The following PHEX variants were observed in gnomAD, a reference collection of about 807,000 sequenced individuals.
The protein encoded by PHEX is phosphate regulating endopeptidase X-linked, also known as phosphate-regulating neutral endopeptidase PHEX.
Under a neutral mutation model 68.0 loss-of-function variants are expected in PHEX, and 16 were observed. That is an observed-to-expected ratio of 0.24 (90% CI 0.16 to 0.36). PHEX has a LOEUF of 0.36. PHEX is among the 10% of genes least tolerant of loss of function. PHEX has a pLI of 1.00. For synonymous variants in PHEX, 208 were observed against 205.1 expected (o/e 1.01, Z -0.12); for missense variants, 480 against 575.5 (o/e 0.83, Z 1.70).
chrX:22,120,799 TA>T (rs1931453141), intron 11 of PHEX, among the ~76,000 whole-genome samples: 2 of 110,940 alleles, frequency 1.8e-5, no homozygotes, highest in South Asian at 3.8e-4. Context: ...TATCAAAGTT[TA>T]AAAAAAAATG....
In PHEX at chrX:22,057,303, TTATTTAAA is replaced by T. The variant is rs772386006; in HGVS notation, c.349+10093_349+10100del. On this transcript the variant is annotated intron_variant, in intron 3 of 21. Transcript: ENST00000379374. ...GCTAGAGAAAGCTCAGAGAACACCT[TTATTTAAA>T]ATAGTCCTCTGGCTGGGTGCCGTGG... Among the ~76,000 whole-genome samples the T allele has an allele frequency of 2.7e-5, 3 of 111,934 alleles. No homozygotes were observed. The East Asian group carries it at 8.4e-4, about 31-fold the overall frequency.
At chrX:22,219,306 G>A (rs1447353725) in intron 17 of PHEX, among the ~76,000 whole-genome samples, 1 of 112,443 alleles carries the variant, frequency 8.9e-6, no homozygotes, top group Non-Finnish European at 1.9e-5. Flanking sequence ...ATTGGTGATC[G>A]GGGTAGACTT....
chrX:22,225,469 A>G (rs1361686456), intron 18 of PHEX, among the ~76,000 whole-genome samples: 1 of 111,585 alleles, frequency 9.0e-6, no homozygotes, highest in Non-Finnish European at 1.9e-5. Context: ...CGTGTTATAC[A>G]AGAGTTGAAT....
At chrX:22,110,596 T>C in intron 9 of PHEX, among the ~76,000 whole-genome samples, 1 of 82,433 alleles carries the variant, frequency 1.2e-5, no homozygotes, top group Non-Finnish European at 2.3e-5. Flanking sequence ...CCTAATGCTA[T>C]CCCTCCCCCC....
intron 15 of PHEX, among the ~76,000 whole-genome samples, chrX:22,206,342 G>T (rs1371219921): frequency 8.9e-6 from 1 of 111,806 alleles, no homozygotes; most frequent in African/African-American, 3.3e-5. Flanking sequence ...AGTTTCACAA[G>T]ATACAGAATC....
At chrX:22,065,618 GT>G in intron 3 of PHEX, among the ~76,000 whole-genome samples, 1 of 111,573 alleles carries the variant, frequency 9.0e-6, no homozygotes, top group Non-Finnish European at 1.9e-5. Context: ...TAGAGATGGG[GT>G]TTCACTATGT....
intron 18 of PHEX, 63 bp from the exon 19 acceptor site, chrX:22,226,380 T>A: frequency 1.3e-6 from 1 of 795,905 alleles, no homozygotes; most frequent in Non-Finnish European, 1.9e-6. Flanking sequence ...TGCCTCTTGC[T>A]GAATGATAGT....
At chrX:22,073,455 C>G (rs758739266) in intron 3 of PHEX, among the ~76,000 whole-genome samples, 6 of 111,121 alleles carry the variant, frequency 5.4e-5, no homozygotes, top group Admixed American at 9.5e-5. Context: ...CAACTGGAAC[C>G]CATGTCTGTG....
At chrX:22,212,829 G>GTGT (rs1934971487) in intron 15 of PHEX, 75 bp from the exon 16 acceptor site, 1 of 811,420 alleles carries the variant, frequency 1.2e-6, no homozygotes, top group East Asian at 3.1e-5. Flanking sequence ...TGAAACCTCA[G>GTGT]TGTTATAGCT....
chrX:22,114,372 G>C (rs1011826812), intron 10 of PHEX, 86 bp from the exon 11 acceptor site: 11 of 885,197 alleles, frequency 1.2e-5, no homozygotes, highest in Non-Finnish European at 1.7e-5. Flanking sequence ...GTGTTTTGTA[G>C]ACTGTTTTCT....
At chrX:22,062,871 G>A (rs1002338784) in intron 3 of PHEX, among the ~76,000 whole-genome samples, 2 of 110,686 alleles carry the variant, frequency 1.8e-5, no homozygotes, top group South Asian at 3.9e-4. Flanking sequence ...AGCGATTCTC[G>A]TCCCTCAACC....
intron 20 of PHEX, among the ~76,000 whole-genome samples, chrX:22,234,942 C>T (rs1158446198): frequency 8.9e-6 from 1 of 111,963 alleles, no homozygotes; most frequent in Admixed American, 9.4e-5. Flanking sequence ...AAACCCAGAG[C>T]CCTGGTGGGG....
At chrX:22,209,703 CCTCTCT>C (rs1439994898) in intron 15 of PHEX, among the ~76,000 whole-genome samples, 5 of 99,979 alleles carry the variant, frequency 5.0e-5, no homozygotes, top group African/African-American at 1.9e-4. Flanking sequence ...CCTCCCTCTC[CCTCTCT>C]TCCCTCTGCT....
Position 22,190,616 on chromosome X carries a change from G to A in PHEX, c.1645+114G>A, listed in dbSNP as rs1299817529. 3 of 580,157 alleles carry A rather than the reference G, an allele frequency of 5.2e-6. No homozygotes were observed. The African/African-American group carries it at 6.6e-5, about 13-fold the overall frequency. 47.8% of individuals were successfully genotyped at this position (580,157 alleles called of 1,213,427 possible). ...ATTTCCCCCAAAAGTGGCAGGGTAT[G>A]CTGGTGAAGGAAGGTTGTTCTCCTA... is the stretch of plus-strand genomic sequence containing the variant. On this transcript the variant is annotated intron_variant, in intron 15 of 21. Transcript: ENST00000379374.
chrX:22,140,493 T>G lies in PHEX; in HGVS notation c.1404+6869T>G, dbSNP rs1233126326. Among the ~76,000 whole-genome samples, 3 of 111,826 alleles carry G rather than the reference T, an allele frequency of 2.7e-5. No homozygotes were observed. The East Asian group carries it at 8.4e-4, about 31-fold the overall frequency. On this transcript the variant is annotated intron_variant, in intron 12 of 21. Transcript: ENST00000379374. The stretch of plus-strand genomic sequence containing the variant: ...TCTTTATTTTATTTTATTTATTTAT[T>G]TTTTTCGAGACAGAGTCTTGCTCTG...
chrX:22,055,275 G>A (rs1433448475), intron 3 of PHEX, among the ~76,000 whole-genome samples: 2 of 103,639 alleles, frequency 1.9e-5, no homozygotes, highest in Non-Finnish European at 3.9e-5. Flanking sequence ...AATGTTTGAA[G>A]CAATGGATAT....
At chrX:22,206,676 A>G (rs929117312) in intron 15 of PHEX, among the ~76,000 whole-genome samples, 1 of 111,282 alleles carries the variant, frequency 9.0e-6, no homozygotes, top group African/African-American at 3.3e-5. Flanking sequence ...AGTGGCGGAA[A>G]GTAGGTTCTA....
intron 20 of PHEX, among the ~76,000 whole-genome samples, chrX:22,234,177 G>A (rs1019191744): frequency 3.5e-5 from 4 of 112,836 alleles, no homozygotes; most frequent in Non-Finnish European, 7.5e-5. Flanking sequence ...TGCCCCAGAG[G>A]GGCACCTGCC....
chrX:22,249,206 A>AGGGTGTGTGTGTGT lies in PHEX; in HGVS notation c.*1254_*1255insGGTGTGTGTGTGTG, dbSNP rs1185557892. On this transcript the variant is annotated 3_prime_UTR_variant, in exon 22 of 22. Coordinates refer to ENST00000379374, the MANE Select transcript of PHEX (RefSeq NM_000444.6). ...TAAGTGAACTCCTTTCTTATTACTG[A>AGGGTGTGTGTGTGT]GCGTGTGTGTGTGTGTGTGTGTGTG... The AGGGTGTGTGTGTGT allele has an allele frequency of 1.9e-5, 1 of 51,765 alleles. No individual in the cohort carries two copies. The highest frequency in any genetic ancestry group is 1.6e-4 in the African/African-American group (1 of 6,076). 4.3% of individuals were successfully genotyped at this position (51,765 alleles called of 1,213,427 possible).
Sources: allele counts gnomAD v4.1 joint callset (sites outside exome capture counted in the v4.1 genomes callset), GRCh38; gene constraint gnomAD v4.1.1; transcripts MANE v1.5; gene names NCBI Gene and HGNC (gene_info 2026-07-23, HGNC 2026-07-21).